DAGLB: variants seen among roughly 807,000 people sequenced by gnomAD.
DAGLB encodes diacylglycerol lipase-beta.
A neutral mutation model predicts 72.1 loss-of-function variants in DAGLB; 66 were observed. The observed-to-expected ratio is 0.92, with a 90% CI of 0.75 to 1.12. DAGLB has a LOEUF of 1.12. Among genes scored for constraint, DAGLB ranks in the 50% most tolerant of loss-of-function variants. The pLI is 0.00. For missense variants in DAGLB, 1,065 were observed against 884.9 expected (o/e 1.20, Z -2.58); for synonymous variants, 414 against 359.5 (o/e 1.15, Z -1.71).
At chr7:6,422,049 G>C in intron 8 of DAGLB, 1 of 618,504 alleles carries the variant, frequency 1.6e-6, no homozygotes, top group Non-Finnish European at 3.0e-6. Flanking sequence ...GTGTGCCTAA[G>C]ACACGCCCTG....
intron 5 of DAGLB, 150 bp from the exon 6 acceptor site, chr7:6,430,757 C>T: frequency 2.3e-6 from 2 of 875,928 alleles, no homozygotes; most frequent in East Asian, 6.2e-5. Flanking sequence ...AAAACTGCTC[C>T]TTCAATAAGG....
intron 9 of DAGLB, 52 bp from the exon 10 acceptor site, chr7:6,416,973 C>A (rs1256821840): frequency 6.3e-7 from 1 of 1,593,960 alleles, no homozygotes; most frequent in Non-Finnish European, 8.6e-7. Context: ...AAGGCAGGCC[C>A]AGCAGAGACT....
rs376919352 is a variant in DAGLB at position 6,446,023 on chromosome 7, C to G, written c.177G>C (p.Leu59Phe). ...CAGGALLSSY[L>F]IVLMILLAVV... is the part of the protein sequence containing the mutation. ...CTGCCAGGAGAATCATGAGGACGAT[C>G]AAGTAACTGCTGAGCAAGGCTCCAC... The change falls in exon 2 of 15, where the codon TTG becomes TTC. Residue 59 changes from leucine to phenylalanine, a missense_variant. Physicochemically the swap from Leu to Phe is conservative, Grantham distance 22 (BLOSUM62 0). Coordinates refer to ENST00000297056, the MANE Select transcript of DAGLB (RefSeq NM_139179.4). The G allele has an allele frequency of 3.6e-5, 58 of 1,613,262 alleles. No homozygotes were observed. The highest frequency in any genetic ancestry group is 4.7e-5 in the Non-Finnish European group (56 of 1,179,866).
intron 6 of DAGLB, among the ~76,000 whole-genome samples, chr7:6,428,312 T>C (rs1784374206): frequency 3.7e-5 from 3 of 80,266 alleles, no homozygotes; most frequent in Non-Finnish European, 2.1e-5. Flanking sequence ...TGAGACTCTG[T>C]CTCAAAAAAA....
chr7:6,421,870 G>C (rs752182260), intron 8 of DAGLB, 66 bp from the exon 9 acceptor site: 2 of 1,544,680 alleles, frequency 1.3e-6, no homozygotes, highest in African/African-American at 2.7e-5. Flanking sequence ...AATGACAGGT[G>C]GTCCCTGCTC....
intron 5 of DAGLB, among the ~76,000 whole-genome samples, 167 bp from the exon 6 acceptor site, chr7:6,430,774 T>C (rs73676750): frequency 0.065 from 9,861 of 151,850 alleles, 615 homozygotes; most frequent in African/African-American, 0.16. Flanking sequence ...AAGGATGACA[T>C]GGACTCCTCA....
intron 8 of DAGLB, among the ~76,000 whole-genome samples, chr7:6,424,536 C>T (rs548769810): frequency 1.2e-4 from 18 of 152,290 alleles, no homozygotes; most frequent in African/African-American, 4.3e-4. Context: ...ACCTGCTGGC[C>T]GCTCTGCTGC....
At chr7:6,421,890 C>G in intron 8 of DAGLB, 86 bp from the exon 9 acceptor site, 1 of 1,439,232 alleles carries the variant, frequency 6.9e-7, no homozygotes, top group Non-Finnish European at 9.6e-7. Flanking sequence ...CCTGACACTT[C>G]TGTGGAGGAT....
intron 1 of DAGLB, among the ~76,000 whole-genome samples, chr7:6,447,364 C>G (rs1342902819): frequency 6.6e-6 from 1 of 152,210 alleles, no homozygotes; most frequent in Non-Finnish European, 1.5e-5. Context: ...AGGAAGGGCA[C>G]AAGTGGCTGC....
At chr7:6,411,136 T>G (rs1783714110) in intron 13 of DAGLB, among the ~76,000 whole-genome samples, 1 of 151,824 alleles carries the variant, frequency 6.6e-6, no homozygotes, top group Non-Finnish European at 1.5e-5. Context: ...CCTCCCAAAG[T>G]GCTGGGATTA....
rs1784781862 is a variant in DAGLB at position 6,440,075 on chromosome 7, A to G, written c.248-3542T>C. Among the ~76,000 whole-genome samples the G allele has an allele frequency of 3.3e-5, 5 of 150,194 alleles. No homozygotes were observed. The Admixed American group carries it at 3.3e-4, about 10-fold the overall frequency. ...TCAAAAAAAAAAAAAAAAGAAAGAAAAAGAAACTACCACAGTATCAAAGTT... is the reference window on the plus strand; with the variant it reads ...TCAAAAAAAAAAAAAAAAGAAAGAAGAAGAAACTACCACAGTATCAAAGTT... On this transcript the variant is annotated intron_variant, in intron 2 of 14. Transcript: ENST00000297056.
intron 2 of DAGLB, among the ~76,000 whole-genome samples, chr7:6,437,474 C>T (rs1219903922): frequency 6.6e-6 from 1 of 152,108 alleles, no homozygotes; most frequent in Non-Finnish European, 1.5e-5. Flanking sequence ...CTCTCTTGCC[C>T]AGGCTGGAGT....
At chr7:6,427,093 G>C (rs1001700836) in intron 6 of DAGLB, among the ~76,000 whole-genome samples, 3 of 152,132 alleles carry the variant, frequency 2.0e-5, no homozygotes, top group African/African-American at 4.8e-5. Flanking sequence ...AGGTGACAGA[G>C]TGAGACTCCG....
In DAGLB at chr7:6,410,150, C is replaced by T; in HGVS notation, c.1800G>A (p.Gln600=). Residue 600 remains glutamine (Q), a synonymous_variant, in exon 14 of 15, where the codon CAG becomes CAA. Transcript: ENST00000297056. The stretch of plus-strand genomic sequence containing the variant: ...CTCACCGCCCCGAGGCGCCCTCCTC[C>T]TGCAGGTGGATGATCCTGCCGGGAG... The part of the protein sequence containing the change: ...LYPPGRIIHL[Q]EEGASGRFGC... The T allele has an allele frequency of 6.3e-7, 1 of 1,577,036 alleles. No individual in the cohort carries two copies.
In DAGLB at chr7:6,426,009, G is replaced by C. The variant is rs140347773; in HGVS notation, c.1035C>G (p.Ile345Met). ...ACACCTTGTCATGGAAGCTGACGTG[G>C]ATGAAGTCCCTGTACTGCAGCCCTG... is the stretch of plus-strand genomic sequence containing the variant. ...HTTGLQYRDF[I>M]HVSFHDKVYE... is the part of the protein sequence containing the mutation. The change falls in exon 7 of 15, where the codon ATC (isoleucine) becomes ATG (methionine). Residue 345 changes from isoleucine (I) to methionine (M), a missense_variant. Coordinates refer to ENST00000297056, the MANE Select transcript of DAGLB (RefSeq NM_139179.4). 8.1e-6 allele frequency: 13 copies of C among 1,614,030 alleles called. No individual in the cohort carries two copies. The highest frequency in any genetic ancestry group is 2.7e-5 in the African/African-American group (2 of 74,952).
At chr7:6,415,260 T>C (rs836501) in intron 11 of DAGLB, among the ~76,000 whole-genome samples, 8,289 of 152,156 alleles carry the variant, frequency 0.054, 532 homozygotes, top group African/African-American at 0.15. Flanking sequence ...AACAATTCAT[T>C]ATTCTGAACA....
rs780750197 is a variant in DAGLB at position 6,432,810 on chromosome 7, C to A, written c.801+27G>T. The A allele has an allele frequency of 3.7e-5, 60 of 1,609,674 alleles. No individual in the cohort carries two copies. The Middle Eastern group carries it at 1.2e-3, about 31-fold the overall frequency. Reference sequence around the variant, plus strand: ...CCACCAAAAGGTGTAAGTGTCAGAACTGGACACTCCATGAAGCCAGGCTCA... The same window carrying A: ...CCACCAAAAGGTGTAAGTGTCAGAAATGGACACTCCATGAAGCCAGGCTCA... On this transcript the variant is annotated intron_variant, in intron 5 of 14. Coordinates refer to ENST00000297056, the MANE Select transcript of DAGLB (RefSeq NM_139179.4).
At chr7:6,416,001 A>T (rs1783900724) in intron 11 of DAGLB, among the ~76,000 whole-genome samples, 1 of 151,662 alleles carries the variant, frequency 6.6e-6, no homozygotes, top group Non-Finnish European at 1.5e-5. Context: ...AGGCGCATGG[A>T]TGTCAACAAC....
At chr7:6,424,924 A>G (rs1414107917) in intron 7 of DAGLB, 89 bp from the exon 8 acceptor site, 3 of 1,309,906 alleles carry the variant, frequency 2.3e-6, no homozygotes, top group Non-Finnish European at 2.2e-6. Context: ...CTGCAATGAC[A>G]GCCCAAGTCC....
Sources: allele counts gnomAD v4.1 joint callset (sites outside exome capture counted in the v4.1 genomes callset), GRCh38; gene constraint gnomAD v4.1.1; transcripts MANE v1.5; gene names NCBI Gene and HGNC (gene_info 2026-07-23, HGNC 2026-07-21).